NRG3: variants seen among roughly 807,000 people sequenced by gnomAD.
The protein encoded by NRG3 is pro-neuregulin-3, membrane-bound isoform.
Under a neutral mutation model 66.9 loss-of-function variants are expected in NRG3, and 31 were observed. That is an observed-to-expected ratio of 0.46 (90% CI 0.35 to 0.63). NRG3 has a LOEUF of 0.63. NRG3 is among the 20% of genes least tolerant of loss of function. The pLI is 0.00. For missense variants in NRG3, 910 were observed against 878.9 expected (o/e 1.04, Z -0.45); for synonymous variants, 393 against 359.4 (o/e 1.09, Z -1.06).
chr10:82,851,455 C>T (rs966911409), intron 3 of NRG3, among the ~76,000 whole-genome samples: 4 of 152,154 alleles, frequency 2.6e-5, no homozygotes, highest in East Asian at 1.9e-4. Flanking sequence ...TTCTCCCAGA[C>T]ATTTTGGATT....
At chr10:82,598,539 A>T (rs2047423186) in intron 2 of NRG3, among the ~76,000 whole-genome samples, 1 of 152,212 alleles carries the variant, frequency 6.6e-6, no homozygotes, top group South Asian at 2.1e-4. Context: ...CCTGCCATAG[A>T]GTAGCAAGAG....
At chr10:82,217,876 T>G (rs558493934) in intron 1 of NRG3, among the ~76,000 whole-genome samples, 2 of 152,330 alleles carry the variant, frequency 1.3e-5, no homozygotes, top group East Asian at 3.9e-4. Flanking sequence ...TAGTTTTGTA[T>G]TACTCAAAAG....
chr10:82,300,346 A>G (rs11193546), intron 1 of NRG3, among the ~76,000 whole-genome samples: 22,482 of 152,178 alleles, frequency 0.15, 1,778 homozygotes, highest in East Asian at 0.24. Context: ...ATGGTTTCTT[A>G]TACCATTCCT....
At chr10:81,946,943 A>T (rs1203629265) in intron 1 of NRG3, among the ~76,000 whole-genome samples, 1 of 152,120 alleles carries the variant, frequency 6.6e-6, no homozygotes, top group Admixed American at 6.6e-5. Flanking sequence ...CTTCCTAGGG[A>T]TGCTGTGACA....
chr10:82,237,444 T>G (rs1320670778), intron 1 of NRG3, among the ~76,000 whole-genome samples: 1 of 152,206 alleles, frequency 6.6e-6, no homozygotes. Context: ...ATTTTATAGG[T>G]AGATAGCTAG....
At chr10:82,981,267 C>T (rs904487509) in intron 8 of NRG3, among the ~76,000 whole-genome samples, 13 of 152,200 alleles carry the variant, frequency 8.5e-5, no homozygotes, top group African/African-American at 2.9e-4. Context: ...GGTTCAGTCA[C>T]TGTTGGGTTG....
At chr10:82,670,727 AAAAAC>A (rs889680957) in intron 2 of NRG3, among the ~76,000 whole-genome samples, 3 of 152,168 alleles carry the variant, frequency 2.0e-5, no homozygotes, top group Non-Finnish European at 2.9e-5. Context: ...CTTCAAGAAA[AAAAAC>A]AAAACAAAAC....
At chr10:82,029,515 T>C (rs2062467157) in intron 1 of NRG3, among the ~76,000 whole-genome samples, 1 of 152,142 alleles carries the variant, frequency 6.6e-6, no homozygotes, top group Non-Finnish European at 1.5e-5. Context: ...CTTCCTGGGA[T>C]CTCACCTGCC....
chr10:82,675,716 G>A (rs1283112939), intron 2 of NRG3, among the ~76,000 whole-genome samples: 1 of 152,166 alleles, frequency 6.6e-6, no homozygotes, highest in Non-Finnish European at 1.5e-5. Flanking sequence ...GGCTTAAGCA[G>A]CCAAGGAATA....
intron 2 of NRG3, among the ~76,000 whole-genome samples, chr10:82,400,410 C>A (rs1236581755): frequency 6.6e-6 from 1 of 152,088 alleles, no homozygotes; most frequent in African/African-American, 2.4e-5. Context: ...AACTACTGAT[C>A]TTGTTAAAAT....
intron 2 of NRG3, among the ~76,000 whole-genome samples, chr10:82,700,042 CAGGGTAAGTACAATT>C (rs1186530516): frequency 6.6e-6 from 1 of 152,134 alleles, no homozygotes; most frequent in Non-Finnish European, 1.5e-5. Context: ...AGAAATTCAA[CAGGGTAAGTACAATT>C]AGGGATATGG....
chr10:82,726,314 A>T (rs2057594357), intron 2 of NRG3, among the ~76,000 whole-genome samples: 1 of 152,150 alleles, frequency 6.6e-6, no homozygotes, highest in African/African-American at 2.4e-5. Flanking sequence ...ATTACCTTAG[A>T]TATGGTATGG....
chr10:82,428,712 T>G (rs544596184), intron 2 of NRG3, among the ~76,000 whole-genome samples: 16 of 151,962 alleles, frequency 1.1e-4, no homozygotes, highest in Admixed American at 9.2e-4. Context: ...TATAGATGTC[T>G]GTTTAAGTCT....
intron 7 of NRG3, among the ~76,000 whole-genome samples, chr10:82,975,739 C>A (rs1244256561): frequency 6.6e-6 from 1 of 152,194 alleles, no homozygotes; most frequent in African/African-American, 2.4e-5. Flanking sequence ...CCATAACTTC[C>A]TGAATGCCAC....
At chr10:82,285,097 TG>T (rs1436598182) in intron 1 of NRG3, among the ~76,000 whole-genome samples, 55 of 152,236 alleles carry the variant, frequency 3.6e-4, no homozygotes, top group Non-Finnish European at 6.5e-4. Context: ...TTAGGGCAGT[TG>T]TCTCCTTCCA....
chr10:82,879,872 A>G (rs1245731841), intron 4 of NRG3, among the ~76,000 whole-genome samples: 2 of 151,720 alleles, frequency 1.3e-5, no homozygotes. Context: ...ATTGGAACAC[A>G]GCTTAGGGAA....
chr10:82,510,729 C>T (rs964711812), intron 2 of NRG3, among the ~76,000 whole-genome samples: 12 of 152,176 alleles, frequency 7.9e-5, no homozygotes, highest in African/African-American at 2.9e-4. Context: ...ATCCTTGATC[C>T]TTTCTTTTTT....
chr10:82,370,285 G>A (rs2084796170), intron 2 of NRG3, among the ~76,000 whole-genome samples: 1 of 137,804 alleles, frequency 7.3e-6, no homozygotes, highest in Non-Finnish European at 1.5e-5. Context: ...GCTGAAAGTG[G>A]GGATGGAGTG....
At chr10:82,876,490 T>A (rs1266943887) in intron 4 of NRG3, among the ~76,000 whole-genome samples, 2 of 152,032 alleles carry the variant, frequency 1.3e-5, no homozygotes, top group Non-Finnish European at 2.9e-5. Flanking sequence ...TTATTGAACT[T>A]TTTGTAAAAA....
Sources: allele counts gnomAD v4.1 joint callset (sites outside exome capture counted in the v4.1 genomes callset), GRCh38; gene constraint gnomAD v4.1.1; transcripts MANE v1.5; gene names NCBI Gene and HGNC (gene_info 2026-07-23, HGNC 2026-07-21).